TRHDE: variants seen among roughly 807,000 people sequenced by gnomAD.
The protein encoded by TRHDE is thyrotropin-releasing hormone-degrading ectoenzyme.
A neutral mutation model predicts 125.7 loss-of-function variants in TRHDE; 72 were observed. That is an observed-to-expected ratio of 0.57 (90% CI 0.47 to 0.70). TRHDE has a LOEUF of 0.70. Among genes scored for constraint, TRHDE ranks in the 30% least tolerant of loss-of-function variants. TRHDE has a pLI of 0.00. For synonymous variants in TRHDE, 509 were observed against 509.1 expected (o/e 1.00, Z 0.00); for missense variants, 1,110 against 1,327.1 (o/e 0.84, Z 2.54).
chr12:72,172,194 T>A (rs532612969), intron 2 of TRHDE, among the ~76,000 whole-genome samples: 3 of 152,294 alleles, frequency 2.0e-5, no homozygotes, highest in African/African-American at 7.2e-5. Context: ...CATTCATCTA[T>A]TAAGTAACAA....
chr12:72,301,868 C>G (rs1868264872), intron 2 of TRHDE, among the ~76,000 whole-genome samples: 1 of 152,014 alleles, frequency 6.6e-6, no homozygotes, highest in Admixed American at 6.6e-5. Context: ...TCTATGGGGA[C>G]AGCTTAAAAA....
At chr12:72,155,753 G>A (rs962178518) in intron 2 of TRHDE, among the ~76,000 whole-genome samples, 1 of 152,204 alleles carries the variant, frequency 6.6e-6, no homozygotes, top group African/African-American at 2.4e-5. Context: ...TCCTCTGGAA[G>A]TTTTGTCTCA....
intron 2 of TRHDE, among the ~76,000 whole-genome samples, chr12:72,375,947 T>C (rs1871860461): frequency 6.6e-6 from 1 of 152,226 alleles, no homozygotes; most frequent in Admixed American, 6.5e-5. Context: ...TTTTCCTGTT[T>C]GGTATGCACG....
At chr12:72,162,366 A>G (rs1876655690) in intron 2 of TRHDE, among the ~76,000 whole-genome samples, 1 of 152,164 alleles carries the variant, frequency 6.6e-6, no homozygotes, top group East Asian at 1.9e-4. Flanking sequence ...TGACCTCCTA[A>G]TGTGGAGATG....
At chr12:72,548,260 A>T (rs1869515866) in intron 7 of TRHDE, among the ~76,000 whole-genome samples, 1 of 151,614 alleles carries the variant, frequency 6.6e-6, no homozygotes, top group Admixed American at 6.6e-5. Context: ...GTTCTTAGTG[A>T]TTTCACATAT....
chr12:72,371,599 T>C (rs1224891845), intron 2 of TRHDE, among the ~76,000 whole-genome samples: 1 of 151,420 alleles, frequency 6.6e-6, no homozygotes, highest in African/African-American at 2.4e-5. Context: ...TGTCCATGTG[T>C]TCTCATTGTT....
At chr12:72,415,907 G>T (rs1453053414) in intron 3 of TRHDE, among the ~76,000 whole-genome samples, 1 of 151,888 alleles carries the variant, frequency 6.6e-6, no homozygotes, top group Non-Finnish European at 1.5e-5. Flanking sequence ...CCCAACAGTG[G>T]GATTGCTAGA....
chr12:72,307,643 A>G (rs1326360167), intron 2 of TRHDE, among the ~76,000 whole-genome samples: 1 of 152,142 alleles, frequency 6.6e-6, no homozygotes, highest in East Asian at 1.9e-4. Flanking sequence ...AATTCATGAC[A>G]TATATTTGAT....
At chr12:72,470,470 A>G (rs1047813014) in intron 4 of TRHDE, among the ~76,000 whole-genome samples, 1 of 152,208 alleles carries the variant, frequency 6.6e-6, no homozygotes, top group African/African-American at 2.4e-5. Flanking sequence ...CCAACTTTGT[A>G]GTGAAGCTAA....
rs1265033773 is a variant in TRHDE, at chr12:72,639,532, C to T, written c.2676-12790C>T. Among the ~76,000 whole-genome samples, 4 of 152,338 alleles carry T rather than the reference C, an allele frequency of 2.6e-5. No homozygotes were observed. In the East Asian group the frequency reaches 7.7e-4, roughly 29 times the overall value. On this transcript the variant is annotated intron_variant, in intron 15 of 18. Coordinates refer to ENST00000261180, the MANE Select transcript of TRHDE (RefSeq NM_013381.3). The stretch of plus-strand genomic sequence containing the variant: ...AAGTCATTCTCCGTCCAGCTTTGTT[C>T]CGTTGCTGGTGAGGAACTGCGTTCC...
intron 15 of TRHDE, among the ~76,000 whole-genome samples, chr12:72,642,476 C>T (rs1874105439): frequency 6.6e-6 from 1 of 152,084 alleles, no homozygotes; most frequent in South Asian, 2.1e-4. Flanking sequence ...AAACAAGTTA[C>T]TCTAATTAGG....
At chr12:72,124,864 T>C (rs1032260539) in intron 2 of TRHDE, among the ~76,000 whole-genome samples, 3 of 152,154 alleles carry the variant, frequency 2.0e-5, no homozygotes, top group Non-Finnish European at 2.9e-5. Flanking sequence ...AACAAGATGC[T>C]GTCTCTAAAA....
intron 15 of TRHDE, among the ~76,000 whole-genome samples, chr12:72,640,188 G>T (rs561635558): frequency 6.6e-6 from 1 of 152,242 alleles, no homozygotes; most frequent in African/African-American, 2.4e-5. Context: ...CGAGCCAGGT[G>T]CGGGACACAA....
intron 2 of TRHDE, among the ~76,000 whole-genome samples, chr12:72,195,184 A>G (rs185196031): frequency 2.4e-4 from 36 of 152,232 alleles, no homozygotes; most frequent in Admixed American, 9.2e-4. Flanking sequence ...CCACGATTCA[A>G]TTACATCCCA....
chr12:72,651,218 T>C (rs752244711), intron 15 of TRHDE, among the ~76,000 whole-genome samples: 57 of 152,116 alleles, frequency 3.7e-4, no homozygotes, highest in Non-Finnish European at 7.5e-4. Flanking sequence ...ATTAATTTTG[T>C]ATGATACTTT....
intron 3 of TRHDE, among the ~76,000 whole-genome samples, chr12:72,426,678 G>A (rs1323444604): frequency 1.3e-5 from 2 of 151,300 alleles, no homozygotes; most frequent in African/African-American, 4.9e-5. Flanking sequence ...GTTAGGTAGT[G>A]TTATAGGTGC....
chr12:72,499,301 G>A (rs1265783389), intron 5 of TRHDE, among the ~76,000 whole-genome samples, 197 bp from the exon 6 acceptor site: 2 of 151,972 alleles, frequency 1.3e-5, no homozygotes, highest in African/African-American at 2.4e-5. Flanking sequence ...ATTTTGTTTC[G>A]TGGTGTGCTT....
intron 2 of TRHDE, among the ~76,000 whole-genome samples, chr12:72,109,099 A>G (rs1186338833): frequency 1.3e-5 from 2 of 152,108 alleles, no homozygotes; most frequent in African/African-American, 4.8e-5. Flanking sequence ...TAGTCATTCA[A>G]CAAATGTTTG....
intron 1 of TRHDE, among the ~76,000 whole-genome samples, chr12:72,276,444 A>G (rs1233176652): frequency 6.6e-6 from 1 of 152,222 alleles, no homozygotes; most frequent in Admixed American, 6.5e-5. Context: ...CCTATGTGGA[A>G]ACACTAACTC....
Sources: gnomAD v4.1 joint callset for allele counts (sites outside exome capture counted in the v4.1 genomes callset) on GRCh38, gnomAD v4.1.1 for gene constraint, MANE v1.5 for transcripts, NCBI Gene and HGNC (gene_info 2026-07-23, HGNC 2026-07-21) for gene names.